RNF217: variants seen among roughly 807,000 people sequenced by gnomAD.
RNF217 encodes the protein ring finger protein 217.
A neutral mutation model predicts 57.8 loss-of-function variants in RNF217; 31 were observed. The ratio of observed to expected loss-of-function variants is 0.54; its 90% CI spans 0.40 to 0.72. The LOEUF (loss-of-function observed/expected upper bound fraction) is 0.72. RNF217 is among the 30% of genes least tolerant of loss of function. RNF217 has a pLI of 0.00. For missense variants in RNF217, 696 were observed against 708.3 expected (o/e 0.98, Z 0.20); for synonymous variants, 313 against 294.0 (o/e 1.06, Z -0.66).
chr6:125,009,197 A>G, intron 1 of RNF217: 1 of 1,579,022 alleles, frequency 6.3e-7, no homozygotes, highest in Admixed American at 1.9e-5. Flanking sequence ...ACTTGAGTAA[A>G]GATAAAGAGT....
At chr6:125,064,961 C>T (rs1348364314) in intron 3 of RNF217, among the ~76,000 whole-genome samples, 3 of 151,872 alleles carry the variant, frequency 2.0e-5, no homozygotes, top group Non-Finnish European at 2.9e-5. Context: ...CATCAATTTA[C>T]ACAGTAGTTA....
chr6:125,063,575 A>G (rs1381848378), intron 3 of RNF217, among the ~76,000 whole-genome samples: 1 of 152,136 alleles, frequency 6.6e-6, no homozygotes, highest in Non-Finnish European at 1.5e-5. Flanking sequence ...ATATTGTCTC[A>G]TCCAAACTTC....
At chr6:125,061,144 AT>A (rs1287175810) in intron 3 of RNF217, among the ~76,000 whole-genome samples, 1 of 151,846 alleles carries the variant, frequency 6.6e-6, no homozygotes, top group Non-Finnish European at 1.5e-5. Context: ...TTCATCTAGA[AT>A]TTTTTTTCCA....
At chr6:125,052,656 A>G (rs1041699023) in intron 2 of RNF217, among the ~76,000 whole-genome samples, 7 of 152,124 alleles carry the variant, frequency 4.6e-5, no homozygotes, top group African/African-American at 7.2e-5. Flanking sequence ...ATAAGGGAGC[A>G]AACAGTGCTT....
chr6:125,083,171 TATAAAC>T lies in RNF217; in HGVS notation c.*237_*242del, dbSNP rs1788641372. ...TTAAAAAATGGTCACTTTCATAAAC[TATAAAC>T]ATCTATATCATAACTCTGACCTTTG... On this transcript the variant is annotated 3_prime_UTR_variant, in exon 6 of 6. Coordinates refer to ENST00000521654, the MANE Select transcript of RNF217 (RefSeq NM_001286398.3). The T allele has an allele frequency of 2.5e-6, 1 of 398,510 alleles. No individual in the cohort carries two copies. The highest frequency in any genetic ancestry group is 4.4e-6 in the Non-Finnish European group (1 of 226,132). The allele number at this position is 398,510 out of a possible 1,614,324, so 24.7% of individuals were successfully genotyped here.
At chr6:125,000,624 A>G (rs1784941765) in intron 1 of RNF217, among the ~76,000 whole-genome samples, 1 of 152,066 alleles carries the variant, frequency 6.6e-6, no homozygotes, top group African/African-American at 2.4e-5. Flanking sequence ...AATATGGTAC[A>G]TTTCAGATTT....
chr6:125,008,496 G>C (rs564054652), intron 1 of RNF217, among the ~76,000 whole-genome samples: 1 of 152,268 alleles, frequency 6.6e-6, no homozygotes, highest in African/African-American at 2.4e-5. Context: ...GAATATCCCA[G>C]TCATCAGCAC....
At chr6:125,012,970 A>G (rs1469471881) in intron 1 of RNF217, among the ~76,000 whole-genome samples, 1 of 152,188 alleles carries the variant, frequency 6.6e-6, no homozygotes, top group African/African-American at 2.4e-5. Flanking sequence ...TTTTTCAGAT[A>G]TAGAATATTA....
chr6:125,008,476 C>CTGCGAGTTTGAATATCCCAGTCATCA (rs1363885727), intron 1 of RNF217, among the ~76,000 whole-genome samples: 14 of 152,180 alleles, frequency 9.2e-5, no homozygotes, highest in Non-Finnish European at 2.1e-4. Flanking sequence ...CGCATGCATA[C>CTGCGAGTTTGAATATCCCAGTCATCA]TGCGAGTTTG....
intron 4 of RNF217, among the ~76,000 whole-genome samples, chr6:125,077,533 G>A (rs1788423788): frequency 6.6e-6 from 1 of 152,066 alleles, no homozygotes; most frequent in Non-Finnish European, 1.5e-5. Context: ...TGGTACACAA[G>A]TATGCAAATA....
chr6:125,085,004 T>G lies in RNF217; in HGVS notation c.*2067T>G, dbSNP rs1224560600. The G allele has an allele frequency of 2.7e-5, 4 of 149,534 alleles. No homozygotes were observed. The highest frequency in any genetic ancestry group is 7.3e-5 in the African/African-American group (3 of 41,292). 9.3% of individuals were successfully genotyped at this position (149,534 alleles called of 1,614,324 possible). On this transcript the variant is annotated 3_prime_UTR_variant, in exon 6 of 6. Coordinates refer to ENST00000521654, the MANE Select transcript of RNF217 (RefSeq NM_001286398.3). The stretch of plus-strand genomic sequence containing the variant: ...TGATGAACTCTAAACCTAGCTGATC[T>G]GTATATGTATGATGTATATATGTCA...
intron 1 of RNF217, among the ~76,000 whole-genome samples, chr6:125,028,956 CAT>C (rs1304284221): frequency 1.3e-5 from 2 of 152,006 alleles, no homozygotes; most frequent in East Asian, 1.9e-4. Context: ...TCAGTTGTAA[CAT>C]GTGAGAAAAT....
intron 1 of RNF217, among the ~76,000 whole-genome samples, chr6:125,022,058 T>C (rs1785863930): frequency 2.0e-5 from 3 of 152,074 alleles, no homozygotes; most frequent in African/African-American, 7.2e-5. Context: ...ATTTGTGTTA[T>C]TTTTAGTAGA....
chr6:125,065,403 G>A (rs561452820), intron 3 of RNF217, among the ~76,000 whole-genome samples: 2 of 151,990 alleles, frequency 1.3e-5, no homozygotes, highest in South Asian at 2.1e-4. Flanking sequence ...ATGAATGTCC[G>A]ATGCATTTAA....
chr6:125,030,698 G>T (rs1391026625), intron 1 of RNF217, among the ~76,000 whole-genome samples: 1 of 152,098 alleles, frequency 6.6e-6, no homozygotes, highest in African/African-American at 2.4e-5. Flanking sequence ...GGCTTTGCAG[G>T]GTACAGTCTC....
intron 1 of RNF217, among the ~76,000 whole-genome samples, chr6:125,022,130 C>T (rs1328598276): frequency 1.3e-5 from 2 of 152,160 alleles, no homozygotes; most frequent in Non-Finnish European, 2.9e-5. Flanking sequence ...TGACCACCTA[C>T]CTTGGCCTCC....
intron 1 of RNF217, among the ~76,000 whole-genome samples, chr6:125,040,975 A>G (rs951258587): frequency 6.6e-6 from 1 of 152,124 alleles, no homozygotes; most frequent in Non-Finnish European, 1.5e-5. Flanking sequence ...TGACAAACCC[A>G]TAGCCAATAT....
At chr6:125,007,249 ATTT>A (rs35223447) in intron 1 of RNF217, among the ~76,000 whole-genome samples, 3 of 142,556 alleles carry the variant, frequency 2.1e-5, no homozygotes, top group African/African-American at 7.7e-5. Context: ...CACTTTGAGC[ATTT>A]TTTTTTTTTT....
At chr6:125,010,002 A>G (rs558039306) in intron 1 of RNF217, among the ~76,000 whole-genome samples, 2 of 105,646 alleles carry the variant, frequency 1.9e-5, no homozygotes, top group Admixed American at 9.7e-5. Flanking sequence ...TTTTTTTTTT[A>G]CTAAATCTGA....
Sources: allele counts gnomAD v4.1 joint callset (sites outside exome capture counted in the v4.1 genomes callset), GRCh38; gene constraint gnomAD v4.1.1; transcripts MANE v1.5; gene names NCBI Gene and HGNC (gene_info 2026-07-23, HGNC 2026-07-21).